Variants in PAK5 observed in about 807,000 individuals in gnomAD.
PAK5 encodes serine/threonine-protein kinase PAK 5.
In PAK5, 16 loss-of-function variants were observed where a neutral mutation model predicts 65.9. The observed-to-expected ratio is 0.24, with a 90% CI of 0.16 to 0.37. The LOEUF is 0.37. Among genes scored for constraint, PAK5 ranks in the 10% least tolerant of loss-of-function variants. PAK5 has a pLI of 1.00. For synonymous variants in PAK5, 371 were observed against 354.9 expected, an observed-to-expected ratio of 1.05 and a Z score of -0.51; for missense variants, 785 against 903.9, an observed-to-expected ratio of 0.87 and a Z score of 1.69.
chr20:9,667,137 C>T (rs1011281304), intron 2 of PAK5, among the ~76,000 whole-genome samples: 2 of 152,038 alleles, frequency 1.3e-5, no homozygotes, highest in Non-Finnish European at 2.9e-5. Context: ...ATTAGCTGAG[C>T]GTGGTGGTGT....
intron 3 of PAK5, among the ~76,000 whole-genome samples, chr20:9,640,380 A>C (rs976672094): frequency 6.6e-6 from 1 of 151,980 alleles, no homozygotes; most frequent in African/African-American, 2.4e-5. Context: ...GTCCCTACAA[A>C]GGACATGAAC....
chr20:9,741,687 C>T (rs373162855), intron 1 of PAK5, among the ~76,000 whole-genome samples: 23 of 152,096 alleles, frequency 1.5e-4, no homozygotes, highest in Admixed American at 5.2e-4. Context: ...AAAACCCTAA[C>T]GTGCTTCAGA....
In PAK5 at chr20:9,619,013, C is replaced by T. The variant is rs576046784; in HGVS notation, c.204+25112G>A. ...TCATGGCTCACGGAAGCCTTGACCT[C>T]TTTGGCTCAAGTGATCTTCCCACCT... On this transcript the variant is annotated intron_variant, in intron 3 of 9. Coordinates refer to ENST00000353224, the MANE Select transcript of PAK5 (RefSeq NM_177990.4). Among the ~76,000 whole-genome samples, 259 of 128,940 alleles carry T rather than the reference C, an allele frequency of 2.0e-3. 1 individual carries two copies. Among genetic ancestry groups the T allele is most frequent in the African/African-American group, 7.2e-3 (249 of 34,432 alleles). 84.6% of individuals were successfully genotyped at this position (128,940 alleles called of 152,430 possible). A position where few individuals can be genotyped will look rare whatever the true frequency, so the allele number is the denominator to read the frequency against.
At chr20:9,834,190 A>G (rs1327400453) in intron 1 of PAK5, among the ~76,000 whole-genome samples, 3 of 152,194 alleles carry the variant, frequency 2.0e-5, no homozygotes, top group African/African-American at 7.2e-5. Flanking sequence ...TATTTTTAAA[A>G]ATCACCCTTT....
chr20:9,781,767 G>T (rs1166286774), intron 1 of PAK5, among the ~76,000 whole-genome samples: 1 of 151,918 alleles, frequency 6.6e-6, no homozygotes, highest in Non-Finnish European at 1.5e-5. Context: ...AATCCTGTTG[G>T]CTCTATCTTC....
chr20:9,730,989 A>T (rs2048329680), intron 1 of PAK5, among the ~76,000 whole-genome samples: 1 of 152,208 alleles, frequency 6.6e-6, no homozygotes, highest in Non-Finnish European at 1.5e-5. Context: ...GTGAACACTG[A>T]CATAGTGGGA....
chr20:9,556,129 C>T (rs1263906178), intron 7 of PAK5, among the ~76,000 whole-genome samples: 1 of 152,200 alleles, frequency 6.6e-6, no homozygotes, highest in East Asian at 1.9e-4. Context: ...GTGGATGTAG[C>T]AAAACCTGAC....
intron 7 of PAK5, among the ~76,000 whole-genome samples, chr20:9,549,691 TTC>T (rs987031202): frequency 2.6e-5 from 4 of 152,314 alleles, no homozygotes; most frequent in Non-Finnish European, 5.9e-5. Context: ...AGAAGCTACC[TTC>T]TGTTTTGTTC....
chr20:9,626,098 G>A (rs1600163294), intron 3 of PAK5, among the ~76,000 whole-genome samples: 1 of 152,172 alleles, frequency 6.6e-6, no homozygotes, highest in Non-Finnish European at 1.5e-5. Flanking sequence ...AAACAATGGA[G>A]TTTCTTACCC....
At chr20:9,802,894 T>A (rs2049185381) in intron 1 of PAK5, among the ~76,000 whole-genome samples, 1 of 20,692 alleles carries the variant, frequency 4.8e-5, no homozygotes, top group Non-Finnish European at 9.8e-5. Flanking sequence ...CCTTCTGTAC[T>A]ATTGTATATG....
chr20:9,758,968 T>G (rs1030509886), intron 1 of PAK5, among the ~76,000 whole-genome samples: 7 of 152,082 alleles, frequency 4.6e-5, no homozygotes, highest in African/African-American at 1.7e-4. Context: ...GTTCCAGGTC[T>G]GCTCTCCAAA....
At chr20:9,582,538 G>A (rs559299521) in intron 3 of PAK5, among the ~76,000 whole-genome samples, 5 of 152,226 alleles carry the variant, frequency 3.3e-5, no homozygotes, top group African/African-American at 1.2e-4. Flanking sequence ...TGACTACCTG[G>A]GTGAGGTCAT....
chr20:9,549,603 T>C (rs1203115208), intron 7 of PAK5, among the ~76,000 whole-genome samples: 1 of 152,204 alleles, frequency 6.6e-6, no homozygotes, highest in Non-Finnish European at 1.5e-5. Context: ...CCATACCCCG[T>C]GTGAAAGGAA....
At chr20:9,699,616 G>C (rs1352969130) in intron 2 of PAK5, among the ~76,000 whole-genome samples, 2 of 146,394 alleles carry the variant, frequency 1.4e-5, no homozygotes, top group Non-Finnish European at 3.0e-5. Flanking sequence ...GAAGATGTGA[G>C]ATCAACATAT....
At chr20:9,619,142 G>A (rs558610146) in intron 3 of PAK5, among the ~76,000 whole-genome samples, 2 of 151,358 alleles carry the variant, frequency 1.3e-5, no homozygotes, top group South Asian at 4.2e-4. Flanking sequence ...AGCCTGGTCT[G>A]GAACTCCTGG....
chr20:9,563,784 T>G (rs1479006789), intron 5 of PAK5, among the ~76,000 whole-genome samples: 1 of 152,182 alleles, frequency 6.6e-6, no homozygotes, highest in Non-Finnish European at 1.5e-5. Flanking sequence ...CCAGGAATGG[T>G]GGACTGGAAA....
chr20:9,597,848 G>C (rs989591088), intron 3 of PAK5, among the ~76,000 whole-genome samples: 1 of 152,200 alleles, frequency 6.6e-6, no homozygotes, highest in Non-Finnish European at 1.5e-5. Flanking sequence ...CCAGCCTCTA[G>C]CCAACTCAGA....
At chr20:9,818,359 A>G (rs908349393) in intron 1 of PAK5, among the ~76,000 whole-genome samples, 1 of 152,186 alleles carries the variant, frequency 6.6e-6, no homozygotes, top group Non-Finnish European at 1.5e-5. Context: ...CTACTGGTCC[A>G]TGCTGTGTTC....
At chr20:9,693,876 T>C (rs963381506) in intron 2 of PAK5, among the ~76,000 whole-genome samples, 1 of 152,160 alleles carries the variant, frequency 6.6e-6, no homozygotes, top group Non-Finnish European at 1.5e-5. Context: ...CAATCTAATG[T>C]AAATAATTGG....
Sources: gnomAD v4.1 joint callset for allele counts (sites outside exome capture counted in the v4.1 genomes callset) on GRCh38, gnomAD v4.1.1 for gene constraint, MANE v1.5 for transcripts, NCBI Gene and HGNC (gene_info 2026-07-23, HGNC 2026-07-21) for gene names.